The following TSPAN2 variants were observed in gnomAD, a reference collection of about 807,000 sequenced individuals.
The protein encoded by TSPAN2 is tetraspanin-2.
In TSPAN2, 24 loss-of-function variants were observed where a neutral mutation model predicts 33.3. The ratio of observed to expected loss-of-function variants is 0.72; its 90% CI spans 0.52 to 1.01. TSPAN2 has a LOEUF of 1.01. TSPAN2 is among the 50% of genes least tolerant of loss of function. TSPAN2 has a pLI of 0.00. For missense variants in TSPAN2, 278 were observed against 281.3 expected (o/e 0.99, Z 0.08); for synonymous variants, 114 against 104.5 (o/e 1.09, Z -0.56).
At chr1:115,072,333 C>A (rs1482488246) in intron 2 of TSPAN2, among the ~76,000 whole-genome samples, 1 of 152,164 alleles carries the variant, frequency 6.6e-6, no homozygotes, top group Non-Finnish European at 1.5e-5. Context: ...TCCCTCCTCT[C>A]CCTCATTCTT....
intron 7 of TSPAN2, among the ~76,000 whole-genome samples, chr1:115,051,581 G>A (rs936638494): frequency 1.1e-4 from 17 of 152,266 alleles, no homozygotes; most frequent in Non-Finnish European, 2.1e-4. Flanking sequence ...AACCCTATCT[G>A]TGGGCACCAT....
At chr1:115,075,439 C>T (rs1205019667) in intron 1 of TSPAN2, among the ~76,000 whole-genome samples, 1 of 152,144 alleles carries the variant, frequency 6.6e-6, no homozygotes, top group Non-Finnish European at 1.5e-5. Context: ...TGACAAGAGA[C>T]AGGGCGATCA....
rs1675250602 is a variant in TSPAN2, at chr1:115,049,449, A to G, written c.*1041T>C. The stretch of plus-strand genomic sequence containing the variant: ...AAACTGTAGTTCTTAATCTATGAAG[A>G]ATTCTCTAGGTGGCTATACAAGAAA... On this transcript the variant is annotated 3_prime_UTR_variant, in exon 8 of 8. Transcript: ENST00000369516. The G allele has an allele frequency of 6.6e-6, 1 of 152,598 alleles. No homozygotes were observed. Among genetic ancestry groups the G allele is most frequent in the Admixed American group, 6.5e-5 (1 of 15,274 alleles). 9.5% of individuals were successfully genotyped at this position (152,598 alleles called of 1,614,324 possible). A position where few individuals can be genotyped will look rare whatever the true frequency, so the allele number is the denominator to read the frequency against.
In TSPAN2 at chr1:115,089,458, A is replaced by T. The variant is rs1397214508; in HGVS notation, c.-26T>A. The T allele has an allele frequency of 2.6e-6, 4 of 1,530,210 alleles. No individual in the cohort carries two copies. The Admixed American group carries it at 7.9e-5, about 30-fold the overall frequency. The allele number at this position is 1,530,210 out of a possible 1,614,324, so 94.8% of individuals were successfully genotyped here. A position where few individuals can be genotyped will look rare whatever the true frequency, so the allele number is the denominator to read the frequency against. On this transcript the variant is annotated 5_prime_UTR_variant, in exon 1 of 8. Transcript: ENST00000369516. The stretch of plus-strand genomic sequence containing the variant: ...GCTGCGGCCCGGCGGCGGGATCCCC[A>T]GTCCCCAGGCCCGCGCTACGAGCGC...
At chr1:115,052,406 C>A (rs958547740) in intron 7 of TSPAN2, among the ~76,000 whole-genome samples, 3 of 152,178 alleles carry the variant, frequency 2.0e-5, no homozygotes, top group African/African-American at 7.2e-5. Context: ...TATCATCCAA[C>A]CCCTGGACAA....
intron 1 of TSPAN2, among the ~76,000 whole-genome samples, chr1:115,087,012 C>T (rs533221643): frequency 3.3e-5 from 5 of 152,140 alleles, no homozygotes; most frequent in East Asian, 2.0e-4. Context: ...CTCTGCCTCC[C>T]GGGTTCAAGA....
intron 1 of TSPAN2, among the ~76,000 whole-genome samples, chr1:115,075,686 A>G (rs767600281): frequency 6.6e-6 from 1 of 152,104 alleles, no homozygotes; most frequent in Admixed American, 6.5e-5. Flanking sequence ...TGGTCTCCCC[A>G]AAGACCTGAA....
rs1648029602 is a variant in TSPAN2, at chr1:115,068,313, G to C, written c.172+4592C>G. On this transcript the variant is annotated intron_variant, in intron 2 of 7. Transcript: ENST00000369516. The stretch of plus-strand genomic sequence containing the variant: ...GAAACTCGCTCCATCCCCAAGGAAA[G>C]AGAACCAAGGATGCCAGAAAGGAAA... 1.3e-5 allele frequency among the ~76,000 whole-genome samples: 2 copies of C among 152,202 alleles called. 1 individual carries two copies. The highest frequency in any genetic ancestry group is 6.3e-3 in the Middle Eastern group (2 of 316).
At chr1:115,062,037 C>T (rs774036765) in intron 3 of TSPAN2, 98 bp downstream of exon 3, 29 of 1,024,644 alleles carry the variant, frequency 2.8e-5, no homozygotes, top group Middle Eastern at 2.5e-4. Flanking sequence ...AGAGAGTCCA[C>T]GGAGGAGCTG....
intron 1 of TSPAN2, among the ~76,000 whole-genome samples, chr1:115,087,892 A>G (rs1370111259): frequency 2.6e-5 from 4 of 152,198 alleles, no homozygotes; most frequent in African/African-American, 9.7e-5. Context: ...CCACTAAATA[A>G]GCACTGAACC....
chr1:115,051,656 A>T (rs1675318949), intron 7 of TSPAN2, among the ~76,000 whole-genome samples: 1 of 152,144 alleles, frequency 6.6e-6, no homozygotes, highest in African/African-American at 2.4e-5. Context: ...TTCTCTCCTC[A>T]ATTCCATCCT....
chr1:115,087,161 C>T (rs1172275946), intron 1 of TSPAN2, among the ~76,000 whole-genome samples: 6 of 151,832 alleles, frequency 4.0e-5, no homozygotes, highest in African/African-American at 9.7e-5. Flanking sequence ...TCAGGTGATC[C>T]GCCTGCCTTG....
At chr1:115,060,662 A>T (rs1647682602) in intron 3 of TSPAN2, 124 bp from the exon 4 acceptor site, 1 of 728,098 alleles carries the variant, frequency 1.4e-6, no homozygotes, top group South Asian at 1.8e-5. Flanking sequence ...TCATTCATTC[A>T]TTCAGCAATT....
intron 1 of TSPAN2, among the ~76,000 whole-genome samples, chr1:115,082,593 C>A (rs373320438): frequency 6.6e-6 from 1 of 152,154 alleles, no homozygotes; most frequent in African/African-American, 2.4e-5. Context: ...TTGATATATA[C>A]CCTTTCTCAA....
chr1:115,088,484 C>T (rs1648927759), intron 1 of TSPAN2, among the ~76,000 whole-genome samples: 1 of 152,194 alleles, frequency 6.6e-6, no homozygotes, highest in Admixed American at 6.5e-5. Flanking sequence ...CCTTGTCTCA[C>T]AGTCCTGCAG....
intron 1 of TSPAN2, among the ~76,000 whole-genome samples, chr1:115,075,506 C>T (rs867991602): frequency 7.9e-5 from 12 of 152,100 alleles, no homozygotes; most frequent in Non-Finnish European, 1.6e-4. Context: ...CTTTTTAACT[C>T]GCCATTCCTT....
At chr1:115,062,632 G>A (rs1647780776) in intron 2 of TSPAN2, among the ~76,000 whole-genome samples, 1 of 152,214 alleles carries the variant, frequency 6.6e-6, no homozygotes, top group African/African-American at 2.4e-5. Context: ...AAGCCTTTTT[G>A]TATTTCCTTC....
chr1:115,060,316 T>G, intron 4 of TSPAN2, 148 bp downstream of exon 4: 1 of 626,954 alleles, frequency 1.6e-6, no homozygotes, highest in South Asian at 2.2e-5. Context: ...TATACATATA[T>G]GCTCAGTTCT....
intron 4 of TSPAN2, among the ~76,000 whole-genome samples, chr1:115,059,195 T>A (rs1051084305): frequency 1.1e-4 from 16 of 152,152 alleles, no homozygotes; most frequent in African/African-American, 3.6e-4. Context: ...GCTCGGGTGA[T>A]GGGTGCACCA....
Sources: gnomAD v4.1 joint callset for allele counts (sites outside exome capture counted in the v4.1 genomes callset) on GRCh38, gnomAD v4.1.1 for gene constraint, MANE v1.5 for transcripts, NCBI Gene and HGNC (gene_info 2026-07-23, HGNC 2026-07-21) for gene names.